The following C10orf90 variants were observed in gnomAD, a reference collection of about 807,000 sequenced individuals.
C10orf90 encodes the protein chromosome 10 open reading frame 90.
Under a neutral mutation model 62.5 loss-of-function variants are expected in C10orf90, and 56 were observed. The ratio of observed to expected loss-of-function variants is 0.90; its 90% CI spans 0.72 to 1.12. The LOEUF (loss-of-function observed/expected upper bound fraction) is 1.12, where lower values mean the gene tolerates loss of function less well. Among genes scored for constraint, C10orf90 ranks in the 50% most tolerant of loss-of-function variants. C10orf90 has a pLI of 0.00. For synonymous variants in C10orf90, 386 were observed against 340.4 expected (o/e 1.13, Z -1.47); for missense variants, 970 against 880.4 (o/e 1.10, Z -1.29).
At chr10:126,455,400 A>G (rs1265440457) in intron 7 of C10orf90, among the ~76,000 whole-genome samples, 1 of 152,122 alleles carries the variant, frequency 6.6e-6, no homozygotes, top group Non-Finnish European at 1.5e-5. Context: ...ACCACCTATG[A>G]GTTTCCACAA....
At chr10:126,505,508 G>A (rs1204555396) in intron 3 of C10orf90, among the ~76,000 whole-genome samples, 1 of 152,190 alleles carries the variant, frequency 6.6e-6, no homozygotes, top group Non-Finnish European at 1.5e-5. Flanking sequence ...TTAGTCAGTA[G>A]TCCTGAAAGG....
At chr10:126,525,865 T>C (rs550492480) in intron 2 of C10orf90, among the ~76,000 whole-genome samples, 51 of 152,282 alleles carry the variant, frequency 3.3e-4, no homozygotes, top group African/African-American at 1.1e-3. Context: ...GCTGTTGTTG[T>C]TGTTTAATGG....
intron 4 of C10orf90, among the ~76,000 whole-genome samples, chr10:126,498,305 C>T (rs1564834634): frequency 1.3e-5 from 2 of 152,212 alleles, no homozygotes; most frequent in Non-Finnish European, 2.9e-5. Context: ...GCCCCAGAAT[C>T]TGACCACTTC....
chr10:126,609,538 G>C (rs1281880159), intron 2 of C10orf90, among the ~76,000 whole-genome samples: 1 of 152,228 alleles, frequency 6.6e-6, no homozygotes. Context: ...CTATCAACAG[G>C]TACTGGGGAA....
intron 2 of C10orf90, among the ~76,000 whole-genome samples, chr10:126,573,310 T>C (rs1273800759): frequency 3.9e-5 from 6 of 152,194 alleles, no homozygotes; most frequent in Admixed American, 6.5e-5. Context: ...ATGTCCGTAA[T>C]CTATAGATAA....
chr10:126,634,168 AT>A (rs1246478671), intron 2 of C10orf90, among the ~76,000 whole-genome samples: 1 of 152,216 alleles, frequency 6.6e-6, no homozygotes, highest in Non-Finnish European at 1.5e-5. Flanking sequence ...TCTCAAACAA[AT>A]ATCTGCACTC....
chr10:126,613,892 A>G (rs930585010), intron 2 of C10orf90, among the ~76,000 whole-genome samples: 3 of 152,192 alleles, frequency 2.0e-5, no homozygotes, highest in African/African-American at 7.2e-5. Context: ...GCTGGTTGTG[A>G]TGACCTGACC....
At chr10:126,633,026 C>A (rs1289600224) in intron 2 of C10orf90, among the ~76,000 whole-genome samples, 1 of 152,204 alleles carries the variant, frequency 6.6e-6, no homozygotes, top group East Asian at 1.9e-4. Context: ...ACCTGAATCC[C>A]ATGGCCGTTC....
intron 2 of C10orf90, among the ~76,000 whole-genome samples, chr10:126,575,635 C>T (rs1366415343): frequency 4.0e-5 from 6 of 151,680 alleles, no homozygotes; most frequent in Non-Finnish European, 7.4e-5. Flanking sequence ...CAATCCTGGT[C>T]AAAAAGAACA....
chr10:126,576,144 A>C (rs1447363486), intron 2 of C10orf90, among the ~76,000 whole-genome samples: 1 of 152,140 alleles, frequency 6.6e-6, no homozygotes, highest in East Asian at 1.9e-4. Context: ...GACAACCTAC[A>C]GAATGGGAGA....
chr10:126,566,297 G>A (rs1844387736), intron 2 of C10orf90, among the ~76,000 whole-genome samples: 1 of 152,216 alleles, frequency 6.6e-6, no homozygotes, highest in African/African-American at 2.4e-5. Context: ...TTCAAAGTAA[G>A]CGAATATTCA....
Position 126,505,015 on chromosome 10 carries a change from T to G in C10orf90, c.476A>C (p.Lys159Thr), listed in dbSNP as rs540844124. 1.2e-6 allele frequency: 2 copies of G among 1,614,220 alleles called. No individual in the cohort carries two copies. The highest frequency in any genetic ancestry group is 4.5e-5 in the East Asian group (2 of 44,872). Residue 159 changes from lysine to threonine, a missense_variant, in exon 4 of 10, where the codon AAG becomes ACG. Physicochemically the swap from Lys to Thr is moderately conservative, Grantham distance 78 (BLOSUM62 -1). Coordinates refer to ENST00000488181, the MANE Select transcript of C10orf90 (RefSeq NM_001350921.2). ...CAAGGAGGCCCTGTTTTCTCTTGAC[T>G]TATTCTCATCAATCATCTGGGAGAT... ...IVISQMIDEN[K>T]SRENRASLPL...
chr10:126,654,549 C>A (rs1165970122), intron 1 of C10orf90, among the ~76,000 whole-genome samples: 1 of 152,176 alleles, frequency 6.6e-6, no homozygotes, highest in Non-Finnish European at 1.5e-5. Context: ...CTATCCAGAC[C>A]ACTCAAACTT....
chr10:126,651,680 AC>A (rs1398657898), intron 1 of C10orf90, among the ~76,000 whole-genome samples: 1 of 152,172 alleles, frequency 6.6e-6, no homozygotes, highest in Non-Finnish European at 1.5e-5. Context: ...CAGAGTCTAT[AC>A]AGAACACTGC....
At chr10:126,516,369 T>C (rs1397346300) in intron 2 of C10orf90, among the ~76,000 whole-genome samples, 2 of 152,148 alleles carry the variant, frequency 1.3e-5, no homozygotes, top group Non-Finnish European at 2.9e-5. Flanking sequence ...CTGGTTGCTA[T>C]CACTGTGGCA....
At chr10:126,511,105 C>T (rs1192573917) in intron 3 of C10orf90, among the ~76,000 whole-genome samples, 2 of 152,206 alleles carry the variant, frequency 1.3e-5, no homozygotes, top group Admixed American at 6.5e-5. Flanking sequence ...TGATCTGGAG[C>T]CATGGTCACT....
chr10:126,452,676 T>A (rs1169974891), intron 7 of C10orf90, among the ~76,000 whole-genome samples: 1 of 152,214 alleles, frequency 6.6e-6, no homozygotes, highest in Non-Finnish European at 1.5e-5. Flanking sequence ...CATAAATTGG[T>A]CTTTTCTTCC....
chr10:126,639,664 G>A lies in C10orf90; in HGVS notation c.313+6901C>T, dbSNP rs187399295. ...TGCCAACTGCCTTGGTACACAAGAG[G>A]CAGTAACTGAGCATTCATGCTTTTG... On this transcript the variant is annotated intron_variant, in intron 2 of 9. Transcript: ENST00000488181. Among the ~76,000 whole-genome samples the A allele has an allele frequency of 2.2e-4, 34 of 152,328 alleles. 1 individual carries two copies. The highest frequency in any genetic ancestry group is 8.2e-4 in the African/African-American group (34 of 41,588).
At chr10:126,457,733 C>G (rs946302102) in intron 7 of C10orf90, among the ~76,000 whole-genome samples, 32 of 152,298 alleles carry the variant, frequency 2.1e-4, no homozygotes, top group Non-Finnish European at 7.4e-5. Flanking sequence ...AGTGGAGGCA[C>G]TGAAGGCCCC....
Sources: allele counts gnomAD v4.1 joint callset (sites outside exome capture counted in the v4.1 genomes callset), GRCh38; gene constraint gnomAD v4.1.1; transcripts MANE v1.5; gene names NCBI Gene and HGNC (gene_info 2026-07-23, HGNC 2026-07-21).